PLXDC2: variants seen among roughly 807,000 people sequenced by gnomAD.
PLXDC2 encodes plexin domain-containing protein 2.
PLXDC2 carries 40 observed loss-of-function variants against 68.9 expected under a neutral mutation model. The ratio of observed to expected loss-of-function variants is 0.58; its 90% CI spans 0.45 to 0.76. The LOEUF is 0.76. PLXDC2 is among the 30% of genes least tolerant of loss of function. PLXDC2 has a pLI of 0.00. For missense variants in PLXDC2, 644 were observed against 661.9 expected (o/e 0.97, Z 0.30); for synonymous variants, 243 against 234.2 (o/e 1.04, Z -0.34).
chr10:20,195,600 A>G (rs572151300), intron 9 of PLXDC2, among the ~76,000 whole-genome samples: 5 of 152,264 alleles, frequency 3.3e-5, no homozygotes, highest in Admixed American at 6.5e-5. Context: ...GAGAAACAAG[A>G]AATACTGTCT....
At chr10:20,239,584 A>G (rs368678387) in intron 12 of PLXDC2, among the ~76,000 whole-genome samples, 15 of 152,264 alleles carry the variant, frequency 9.9e-5, no homozygotes, top group African/African-American at 3.1e-4. Flanking sequence ...AAGAGAAACC[A>G]CACCCATGAT....
chr10:20,059,347 A>G (rs1836058016), intron 3 of PLXDC2, among the ~76,000 whole-genome samples: 1 of 152,150 alleles, frequency 6.6e-6, no homozygotes, highest in Non-Finnish European at 1.5e-5. Context: ...TTGCAAGTAC[A>G]GGCAAGCTAC....
At chr10:20,038,458 G>C (rs1835619796) in intron 2 of PLXDC2, among the ~76,000 whole-genome samples, 1 of 152,084 alleles carries the variant, frequency 6.6e-6, no homozygotes, top group South Asian at 2.1e-4. Context: ...ACAGGAGACA[G>C]ATGGATTGAA....
chr10:20,059,754 G>C (rs1836065895), intron 3 of PLXDC2, among the ~76,000 whole-genome samples: 1 of 151,528 alleles, frequency 6.6e-6, no homozygotes, highest in Non-Finnish European at 1.5e-5. Context: ...ACTCCTCCCA[G>C]AGTATGAGAA....
At chr10:19,842,490 T>G (rs1836928434) in intron 1 of PLXDC2, among the ~76,000 whole-genome samples, 1 of 152,174 alleles carries the variant, frequency 6.6e-6, no homozygotes, top group South Asian at 2.1e-4. Flanking sequence ...CAGCTCCCAA[T>G]GTCCTTGCTC....
intron 1 of PLXDC2, among the ~76,000 whole-genome samples, chr10:19,882,584 C>T (rs1036333518): frequency 1.3e-5 from 2 of 152,084 alleles, no homozygotes; most frequent in Admixed American, 6.5e-5. Context: ...ATGGATGTCA[C>T]GAAGCTATGT....
chr10:20,143,979 A>T (rs1047920586), intron 5 of PLXDC2, among the ~76,000 whole-genome samples: 1 of 143,832 alleles, frequency 7.0e-6, no homozygotes, highest in Non-Finnish European at 1.5e-5. Context: ...CCCTGCTATT[A>T]CTTTTTGGGA....
rs1029000478 is a variant in PLXDC2 at position 20,126,236 on chromosome 10, G to A, written c.542-17059G>A. ...ATATGTTATATAATACATATACGTTGTATAATACATATATACATATACGTT... is the reference window on the plus strand; with the variant it reads ...ATATGTTATATAATACATATACGTTATATAATACATATATACATATACGTT... On this transcript the variant is annotated intron_variant, in intron 4 of 13. Coordinates refer to ENST00000377252, the MANE Select transcript of PLXDC2 (RefSeq NM_032812.9). 3.3e-4 allele frequency among the ~76,000 whole-genome samples: 48 copies of A among 144,530 alleles called. 1 individual carries two copies. The highest frequency in any genetic ancestry group is 8.7e-4 in the South Asian group (4 of 4,616). The allele number at this position is 144,530 out of a possible 152,430, so 94.8% of individuals were successfully genotyped here. A position where few individuals can be genotyped will look rare whatever the true frequency, so the allele number is the denominator to read the frequency against.
chr10:19,890,676 CTTTTTTTTTT>C (rs56921191), intron 1 of PLXDC2, among the ~76,000 whole-genome samples: 27 of 61,132 alleles, frequency 4.4e-4, no homozygotes, highest in South Asian at 9.4e-4. Flanking sequence ...CGCCCGGCTG[CTTTTTTTTTT>C]TTTTTTTTTT....
At chr10:20,044,109 T>TTCC (rs1835733554) in intron 2 of PLXDC2, among the ~76,000 whole-genome samples, 1 of 130,566 alleles carries the variant, frequency 7.7e-6, no homozygotes, top group South Asian at 2.6e-4. Context: ...CCTTCCTTCC[T>TTCC]TCCTTCCTTC....
intron 1 of PLXDC2, among the ~76,000 whole-genome samples, chr10:19,858,536 C>A (rs1469520577): frequency 6.6e-6 from 1 of 152,192 alleles, no homozygotes; most frequent in African/African-American, 2.4e-5. Context: ...TAAGTACCTT[C>A]AGTAGAGTCA....
intron 2 of PLXDC2, among the ~76,000 whole-genome samples, chr10:20,018,972 C>T (rs1835258366): frequency 6.6e-6 from 1 of 152,084 alleles, no homozygotes; most frequent in Non-Finnish European, 1.5e-5. Flanking sequence ...GAATCATGCT[C>T]AGCTAAATAA....
At chr10:19,968,422 C>T (rs1834299962) in intron 1 of PLXDC2, among the ~76,000 whole-genome samples, 2 of 152,304 alleles carry the variant, frequency 1.3e-5, no homozygotes, top group South Asian at 4.1e-4. Context: ...AACTGATTCT[C>T]CAGCCTCAGC....
chr10:20,067,036 G>T (rs999563092), intron 3 of PLXDC2, among the ~76,000 whole-genome samples: 1 of 151,888 alleles, frequency 6.6e-6, no homozygotes, highest in Non-Finnish European at 1.5e-5. Flanking sequence ...TACTTTTAGT[G>T]TTTCTCTTGT....
At chr10:19,887,073 A>G (rs938768110) in intron 1 of PLXDC2, among the ~76,000 whole-genome samples, 3 of 152,298 alleles carry the variant, frequency 2.0e-5, no homozygotes, top group East Asian at 3.9e-4. Context: ...AGGTTCCCAG[A>G]ACACCCTACT....
chr10:20,046,923 G>A lies in PLXDC2; in HGVS notation c.379G>A (p.Ala127Thr), dbSNP rs1012804566. 6.2e-7 allele frequency: 1 copy of A among 1,612,598 alleles called. No individual in the cohort carries two copies. The highest frequency in any genetic ancestry group is 2.2e-5 in the East Asian group (1 of 44,786). Residue 127 changes from alanine to threonine, a missense_variant, in exon 3 of 14, where the codon GCC (alanine) becomes ACC (threonine). This residue lies in a region of PLXDC2 where 201 missense variants were observed against 166.9 expected (regional missense o/e 1.20). Transcript: ENST00000377252. ...TCGAATATATGGTCCATCTGATTCTGCCAGCCGGGATTTATGGGTGAACAT... is the reference window on the plus strand; with the variant it reads ...TCGAATATATGGTCCATCTGATTCTACCAGCCGGGATTTATGGGTGAACAT... ...ISRIYGPSDS[A>T]SRDLWVNIDQ...
chr10:20,191,069 T>C lies in PLXDC2; in HGVS notation c.1061+13660T>C, dbSNP rs558043581. Among the ~76,000 whole-genome samples the C allele has an allele frequency of 2.0e-5, 3 of 151,874 alleles. No individual in the cohort carries two copies. In the South Asian group the frequency reaches 6.2e-4, roughly 32 times the overall value. ...TATGTGTTAGGAATTCTGTCATTCATGGAAAAGTGCAAGAAATCCAGAAGA... is the reference window on the plus strand; with the variant it reads ...TATGTGTTAGGAATTCTGTCATTCACGGAAAAGTGCAAGAAATCCAGAAGA... On this transcript the variant is annotated intron_variant, in intron 9 of 13. Transcript: ENST00000377252.
intron 1 of PLXDC2, among the ~76,000 whole-genome samples, chr10:19,817,677 G>C (rs1232821812): frequency 6.6e-6 from 1 of 152,168 alleles, no homozygotes; most frequent in Non-Finnish European, 1.5e-5. Context: ...CCTTCCCCTG[G>C]CGATCCCCAC....
chr10:19,856,090 G>T (rs1243059539), intron 1 of PLXDC2, among the ~76,000 whole-genome samples: 1 of 152,046 alleles, frequency 6.6e-6, no homozygotes. Flanking sequence ...GTAAGACTCT[G>T]TCTCCAAAAA....
Sources: allele counts gnomAD v4.1 joint callset (sites outside exome capture counted in the v4.1 genomes callset), GRCh38; gene constraint gnomAD v4.1.1; regional missense constraint gnomAD v4.1.1; transcripts MANE v1.5; gene names NCBI Gene and HGNC (gene_info 2026-07-23, HGNC 2026-07-21).